The following EML4 variants were observed in gnomAD, a reference collection of about 807,000 sequenced individuals.
EML4 encodes the protein echinoderm microtubule-associated protein-like 4.
A neutral mutation model predicts 129.0 loss-of-function variants in EML4; 72 were observed. The observed-to-expected ratio is 0.56, with a 90% CI of 0.46 to 0.68. The LOEUF (loss-of-function observed/expected upper bound fraction) is 0.68. EML4 is among the 30% of genes least tolerant of loss of function. The pLI is 0.00. For missense variants in EML4, 1,363 were observed against 1,190.6 expected, an observed-to-expected ratio of 1.14 and a Z score of -2.13; for synonymous variants, 532 against 405.0, an observed-to-expected ratio of 1.31 and a Z score of -3.77.
At chr2:42,235,790 A>G (rs13416119) in intron 1 of EML4, among the ~76,000 whole-genome samples, 9,589 of 151,652 alleles carry the variant, frequency 0.063, 420 homozygotes, top group Non-Finnish European at 0.099. Context: ...TGTCATAAAG[A>G]CCATCTAGTA....
intron 6 of EML4, among the ~76,000 whole-genome samples, chr2:42,266,672 G>T (rs1046362855): frequency 1.3e-5 from 2 of 149,830 alleles, no homozygotes; most frequent in African/African-American, 2.5e-5. Flanking sequence ...TTTTTAAATA[G>T]AGTCGGCGGT....
intron 17 of EML4, among the ~76,000 whole-genome samples, chr2:42,312,789 G>A (rs528111513): frequency 7.3e-4 from 110 of 151,276 alleles, no homozygotes; most frequent in African/African-American, 2.4e-3. Context: ...TCCTGACCTC[G>A]TGATCCACTC....
chr2:42,256,044 G>C (rs1676128324), intron 2 of EML4, among the ~76,000 whole-genome samples: 1 of 152,166 alleles, frequency 6.6e-6, no homozygotes, highest in African/African-American at 2.4e-5. Context: ...GTAAGTTAAA[G>C]GAGAGGTTAA....
intron 1 of EML4, among the ~76,000 whole-genome samples, chr2:42,187,870 A>T (rs1246576400): frequency 6.6e-6 from 1 of 151,822 alleles, no homozygotes; most frequent in African/African-American, 2.4e-5. Context: ...TGTTCAACTT[A>T]TTTTTTTCTT....
chr2:42,255,828 G>C (rs529045788), intron 2 of EML4, among the ~76,000 whole-genome samples: 1 of 152,202 alleles, frequency 6.6e-6, no homozygotes, highest in Non-Finnish European at 1.5e-5. Flanking sequence ...ATACCACCAT[G>C]TGTGGAACTT....
chr2:42,235,248 A>G (rs1674589785), intron 1 of EML4, among the ~76,000 whole-genome samples: 1 of 151,650 alleles, frequency 6.6e-6, no homozygotes, highest in Non-Finnish European at 1.5e-5. Flanking sequence ...GTGAGCCGAG[A>G]TCGCACCACC....
intron 14 of EML4, among the ~76,000 whole-genome samples, chr2:42,302,164 T>C (rs1281101375): frequency 6.6e-6 from 1 of 152,170 alleles, no homozygotes; most frequent in Non-Finnish European, 1.5e-5. Flanking sequence ...TATAATACTT[T>C]ATAATATATT....
At chr2:42,325,359 T>G (rs1669730149) in intron 19 of EML4, 108 bp from the exon 20 acceptor site, 1 of 607,416 alleles carries the variant, frequency 1.6e-6, no homozygotes, top group Non-Finnish European at 3.2e-6. Flanking sequence ...TTCCTCTCCT[T>G]TAGAAATTCC....
At chr2:42,321,789 G>A (rs576115932) in intron 19 of EML4, among the ~76,000 whole-genome samples, 21 of 152,212 alleles carry the variant, frequency 1.4e-4, no homozygotes, top group African/African-American at 4.1e-4. Context: ...CCTCAAACCA[G>A]CAAACGCATA....
At chr2:42,300,070 T>C (rs1025039760) in intron 13 of EML4, among the ~76,000 whole-genome samples, 2 of 152,236 alleles carry the variant, frequency 1.3e-5, no homozygotes, top group African/African-American at 2.4e-5. Context: ...CTGAGTAATA[T>C]CACATTGTAT....
At chr2:42,242,730 TTCTCGTCTCG>T (rs200880328) in intron 1 of EML4, among the ~76,000 whole-genome samples, 1 of 149,214 alleles carries the variant, frequency 6.7e-6, no homozygotes, top group Non-Finnish European at 1.5e-5. Flanking sequence ...TTCTCTTCTC[TTCTCGTCTCG>T]TCTCGTCTCT....
At chr2:42,249,588 G>A (rs1290376395) in intron 2 of EML4, among the ~76,000 whole-genome samples, 4 of 152,200 alleles carry the variant, frequency 2.6e-5, no homozygotes, top group African/African-American at 9.7e-5. Context: ...TGCTAATGAT[G>A]TGTGTGCTAA....
intron 1 of EML4, among the ~76,000 whole-genome samples, chr2:42,179,881 A>G (rs907595129): frequency 3.3e-5 from 5 of 152,174 alleles, no homozygotes; most frequent in Non-Finnish European, 5.9e-5. Flanking sequence ...GATTACAGGC[A>G]TGAGCCACCA....
intron 1 of EML4, among the ~76,000 whole-genome samples, chr2:42,197,228 A>C (rs1671944988): frequency 6.6e-6 from 1 of 152,016 alleles, no homozygotes; most frequent in Non-Finnish European, 1.5e-5. Context: ...ACTCCTGGCT[A>C]ATTTTCGTAT....
chr2:42,329,951 C>T lies in EML4; in HGVS notation c.2690C>T (p.Thr897Ile), dbSNP rs768279311. 8 of 1,614,020 alleles carry T rather than the reference C, an allele frequency of 5.0e-6. No individual in the cohort carries two copies. The highest frequency in any genetic ancestry group is 1.1e-5 in the South Asian group (1 of 91,062). Residue 897 changes from threonine to isoleucine, a missense_variant, in exon 23 of 23, where the codon ACT becomes ATT. Physicochemically the swap from Thr to Ile is moderately conservative, Grantham distance 89. Transcript: ENST00000318522. ...ACTGAAAGTGTCATCCAATCTAATACTCCCACACCGCCTCCTTCTCAGCCC... is the reference window on the plus strand; with the variant it reads ...ACTGAAAGTGTCATCCAATCTAATATTCCCACACCGCCTCCTTCTCAGCCC... Reference protein sequence around the residue: ...SSTESVIQSNTPTPPPSQPLN... With the variant: ...SSTESVIQSNIPTPPPSQPLN...
At chr2:42,248,536 A>G (rs577368667) in intron 2 of EML4, among the ~76,000 whole-genome samples, 3 of 152,114 alleles carry the variant, frequency 2.0e-5, no homozygotes, top group Non-Finnish European at 2.9e-5. Flanking sequence ...TTTTCTAATT[A>G]TCCTTAGTCA....
At chr2:42,200,213 T>G (rs903829080) in intron 1 of EML4, among the ~76,000 whole-genome samples, 5 of 149,182 alleles carry the variant, frequency 3.4e-5, no homozygotes, top group Admixed American at 6.7e-5. Context: ...TAGTCCCAGC[T>G]ACTCGGGAGG....
At chr2:42,302,244 TG>T (rs1668324048) in intron 14 of EML4, among the ~76,000 whole-genome samples, 1 of 152,146 alleles carries the variant, frequency 6.6e-6, no homozygotes, top group African/African-American at 2.4e-5. Context: ...AACATATTTA[TG>T]GGATACAATC....
At chr2:42,290,474 C>A (rs1667575133) in intron 11 of EML4, among the ~76,000 whole-genome samples, 1 of 151,848 alleles carries the variant, frequency 6.6e-6, no homozygotes, top group South Asian at 2.1e-4. Context: ...CGCCTATAAT[C>A]CGAGTACTTT....
Sources: allele counts gnomAD v4.1 joint callset (sites outside exome capture counted in the v4.1 genomes callset), GRCh38; gene constraint gnomAD v4.1.1; transcripts MANE v1.5; gene names NCBI Gene and HGNC (gene_info 2026-07-23, HGNC 2026-07-21).